The following DOCK8 variants were observed in gnomAD, a reference collection of about 807,000 sequenced individuals.
DOCK8 encodes dedicator of cytokinesis 8.
Under a neutral mutation model 245.6 loss-of-function variants are expected in DOCK8, and 141 were observed. The ratio of observed to expected loss-of-function variants is 0.57; its 90% CI spans 0.50 to 0.66. DOCK8 has a LOEUF of 0.66. Ranked by LOEUF, DOCK8 falls within the 30% of genes least tolerant of loss-of-function variation. The pLI is 0.00. For missense variants in DOCK8, 2,965 were observed against 2,603.4 expected (o/e 1.14, Z -3.02); for synonymous variants, 1,168 against 970.2 (o/e 1.20, Z -3.79).
chr9:336,478 G>C, intron 11 of DOCK8, 104 bp from the exon 12 acceptor site: 1 of 1,481,508 alleles, frequency 6.7e-7, no homozygotes, highest in South Asian at 1.1e-5. Flanking sequence ...GCCATATTCA[G>C]TGTTCCTGAT....
rs187292650 is a variant in DOCK8 at position 384,088 on chromosome 9, C to T, written c.2778+1403C>T. ...TGCAGTCTTGCCTCCATAGGCTCCT[C>T]TTGCTGGAAACAATTTCTTAGACTT... On this transcript the variant is annotated intron_variant, in intron 22 of 47. Transcript: ENST00000432829. Among the ~76,000 whole-genome samples the T allele has an allele frequency of 5.2e-3, 791 of 152,262 alleles. 7 individuals are homozygous for T. Among genetic ancestry groups the T allele is most frequent in the African/African-American group, 0.018 (763 of 41,484 alleles).
At chr9:408,902 G>A (rs1450397081) in intron 28 of DOCK8, among the ~76,000 whole-genome samples, 42 of 107,262 alleles carry the variant, frequency 3.9e-4, no homozygotes, top group African/African-American at 2.0e-3. Context: ...ACACGCGCGT[G>A]CACATGCACA....
At chr9:336,825 C>A in intron 12 of DOCK8, 107 bp downstream of exon 12, 1 of 1,338,036 alleles carries the variant, frequency 7.5e-7, no homozygotes, top group Non-Finnish European at 1.1e-6. Flanking sequence ...ATTAGTTAAG[C>A]TCACTCTCTT....
At chr9:221,777 G>A (rs887025888) in intron 1 of DOCK8, among the ~76,000 whole-genome samples, 4 of 151,102 alleles carry the variant, frequency 2.6e-5, no homozygotes, top group Admixed American at 6.6e-5. Context: ...AGCCGAGATC[G>A]CACCACTGCA....
At chr9:295,315 G>A (rs961337146) in intron 4 of DOCK8, among the ~76,000 whole-genome samples, 1 of 152,282 alleles carries the variant, frequency 6.6e-6, no homozygotes, top group South Asian at 2.1e-4. Flanking sequence ...AAAAGGACAC[G>A]GGAGTGCCCT....
At chr9:248,249 C>T (rs1294266212) in intron 1 of DOCK8, among the ~76,000 whole-genome samples, 2 of 152,204 alleles carry the variant, frequency 1.3e-5, no homozygotes, top group Non-Finnish European at 2.9e-5. Flanking sequence ...TCCCTATAGT[C>T]TCCCTGGCCT....
In DOCK8 at chr9:441,372, C is replaced by G. The variant is rs1347537082; in HGVS notation, c.5310C>G (p.Leu1770=). The G allele has an allele frequency of 4.3e-6, 7 of 1,614,106 alleles. No homozygotes were observed. The Admixed American group carries it at 1.2e-4, about 27-fold the overall frequency. The change falls in exon 41 of 48, where the codon CTC becomes CTG. Residue 1770 remains leucine, a synonymous_variant. Coordinates refer to ENST00000432829, the MANE Select transcript of DOCK8 (RefSeq NM_203447.4). ...ATCGAGAATTCCGGAAGCTGACACT[C>G]ACTCACAGCAAGCTGCAGAGAGCCT... ...EAHREFRKLT[L]THSKLQRAFD... is the part of the protein sequence containing the mutation.
chr9:291,285 A>T (rs533760411), intron 4 of DOCK8, among the ~76,000 whole-genome samples: 69 of 152,164 alleles, frequency 4.5e-4, no homozygotes, highest in African/African-American at 1.6e-3. Context: ...GATCTTGCAC[A>T]AATGTAAGAG....
At position 240,153 on chromosome 9, in the gene DOCK8, C is replaced by G. The variant is rs2047345270; in HGVS notation, c.53+25124C>G. 2.0e-5 allele frequency among the ~76,000 whole-genome samples: 3 copies of G among 152,264 alleles called. No homozygotes were observed. In the South Asian group the frequency reaches 6.2e-4, roughly 32 times the overall value. The stretch of plus-strand genomic sequence containing the variant: ...CTTTAAAAGGTTAAAGATATTTTTA[C>G]TTATAACATCCCTGAACTTTACCTC... On this transcript the variant is annotated intron_variant, in intron 1 of 47. Coordinates refer to ENST00000432829, the MANE Select transcript of DOCK8 (RefSeq NM_203447.4).
At position 451,917 on chromosome 9, in the gene DOCK8, A is replaced by G. The variant is rs1030443270; in HGVS notation, c.5962-94A>G. The G allele has an allele frequency of 7.0e-5, 22 of 314,726 alleles. No individual in the cohort carries two copies. The Admixed American group carries it at 7.4e-4, about 11-fold the overall frequency. 19.5% of individuals were successfully genotyped at this position (314,726 alleles called of 1,614,324 possible). A position where few individuals can be genotyped will look rare whatever the true frequency, so the allele number is the denominator to read the frequency against. ...TGCATATACATATACATATGCATAT[A>G]CATATATATGTATGTGTATATATAT... On this transcript the variant is annotated intron_variant, in intron 45 of 47. Transcript: ENST00000432829.
At chr9:240,763 C>G (rs941094871) in intron 1 of DOCK8, among the ~76,000 whole-genome samples, 1 of 152,106 alleles carries the variant, frequency 6.6e-6, no homozygotes. Flanking sequence ...GACCCTGCTT[C>G]CCTCATGAAA....
At chr9:350,566 T>C (rs566273081) in intron 14 of DOCK8, among the ~76,000 whole-genome samples, 38 of 152,288 alleles carry the variant, frequency 2.5e-4, no homozygotes, top group African/African-American at 8.4e-4. Flanking sequence ...GGGCAGGGGT[T>C]TGGTTTTCTG....
chr9:383,566 G>C (rs947467962), intron 22 of DOCK8, among the ~76,000 whole-genome samples: 1 of 152,132 alleles, frequency 6.6e-6, no homozygotes, highest in Admixed American at 6.5e-5. Context: ...TGGGCATGGT[G>C]GCGGGTCCCT....
At chr9:287,828 A>T (rs1427701995) in intron 3 of DOCK8, among the ~76,000 whole-genome samples, 1 of 152,106 alleles carries the variant, frequency 6.6e-6, no homozygotes, top group Non-Finnish European at 1.5e-5. Flanking sequence ...CCTTTATGTA[A>T]AATTTATGGA....
At chr9:215,458 T>TA in intron 1 of DOCK8, 1 of 1,486,304 alleles carries the variant, frequency 6.7e-7, no homozygotes, top group Non-Finnish European at 8.9e-7. Flanking sequence ...TGGCTGAAAT[T>TA]AGAGTTGCGT....
intron 1 of DOCK8, among the ~76,000 whole-genome samples, chr9:243,362 C>T (rs1462574564): frequency 6.6e-6 from 1 of 152,170 alleles, no homozygotes; most frequent in African/African-American, 2.4e-5. Flanking sequence ...GAACACGGGT[C>T]ACTGTTGTTT....
At chr9:269,189 C>T (rs1009933389) in intron 1 of DOCK8, among the ~76,000 whole-genome samples, 1 of 152,230 alleles carries the variant, frequency 6.6e-6, no homozygotes, top group Non-Finnish European at 1.5e-5. Context: ...AAACCCCAAA[C>T]TCATTAGCAG....
At chr9:319,362 C>T (rs1376630033) in intron 7 of DOCK8, among the ~76,000 whole-genome samples, 1 of 152,204 alleles carries the variant, frequency 6.6e-6, no homozygotes, top group Non-Finnish European at 1.5e-5. Flanking sequence ...GTCCCCGCAA[C>T]TGCCAAAGCA....
At chr9:283,577 A>G (rs980817107) in intron 2 of DOCK8, among the ~76,000 whole-genome samples, 3 of 152,040 alleles carry the variant, frequency 2.0e-5, no homozygotes, top group Non-Finnish European at 4.4e-5. Context: ...CAAGCCTTTC[A>G]TGTCTAGCAT....
Sources: allele counts gnomAD v4.1 joint callset (sites outside exome capture counted in the v4.1 genomes callset), GRCh38; gene constraint gnomAD v4.1.1; transcripts MANE v1.5; gene names NCBI Gene and HGNC (gene_info 2026-07-23, HGNC 2026-07-21).